DHX35: variants seen among roughly 807,000 people sequenced by gnomAD.
DHX35 encodes the protein DEAH-box helicase 35, also known as probable ATP-dependent RNA helicase DHX35.
DHX35 carries 84 observed loss-of-function variants against 99.6 expected under a neutral mutation model. The observed-to-expected ratio is 0.84, with a 90% CI of 0.71 to 1.01. DHX35 has a LOEUF of 1.01. Ranked by LOEUF, DHX35 falls within the 50% of genes least tolerant of loss-of-function variation. The pLI, the probability that DHX35 is intolerant of heterozygous loss-of-function variation, is 0.00. For missense variants in DHX35, 852 were observed against 888.5 expected (o/e 0.96, Z 0.52); for synonymous variants, 331 against 316.2 (o/e 1.05, Z -0.50).
intron 14 of DHX35, 48 bp from the exon 15 acceptor site, chr20:39,018,756 A>G: frequency 6.3e-7 from 1 of 1,574,916 alleles, no homozygotes; most frequent in South Asian, 1.1e-5. Flanking sequence ...TGTGCCTTCC[A>G]ACACAATGGT....
intron 13 of DHX35, among the ~76,000 whole-genome samples, chr20:39,012,840 CTAAT>C (rs557250984): frequency 0.011 from 1,731 of 152,212 alleles, 20 homozygotes; most frequent in Non-Finnish European, 0.018. Context: ...TGACTTTACA[CTAAT>C]TAAATGATTG....
intron 1 of DHX35, among the ~76,000 whole-genome samples, chr20:38,966,985 A>C (rs1168105082): frequency 6.6e-6 from 1 of 152,206 alleles, no homozygotes; most frequent in Non-Finnish European, 1.5e-5. Flanking sequence ...AAGGAAGGTC[A>C]ACATTTTGGC....
At chr20:39,004,301 G>C (rs946447455) in intron 11 of DHX35, among the ~76,000 whole-genome samples, 29 of 152,172 alleles carry the variant, frequency 1.9e-4, no homozygotes, top group African/African-American at 7.0e-4. Context: ...TCCTGACCTT[G>C]TGATCCGCCC....
intron 3 of DHX35, among the ~76,000 whole-genome samples, chr20:38,975,874 G>A (rs2086067797): frequency 6.6e-6 from 1 of 152,180 alleles, no homozygotes; most frequent in Admixed American, 6.5e-5. Flanking sequence ...CATTTCATTG[G>A]TCAAAGCAAG....
intron 4 of DHX35, among the ~76,000 whole-genome samples, chr20:38,988,609 G>A (rs1213478640): frequency 5.3e-5 from 8 of 152,096 alleles, no homozygotes; most frequent in Non-Finnish European, 1.5e-5. Context: ...CAGCCTGGGT[G>A]ACAGAGTGAG....
chr20:39,019,753 A>G (rs889160997), intron 15 of DHX35, among the ~76,000 whole-genome samples: 1 of 152,154 alleles, frequency 6.6e-6, no homozygotes, highest in Non-Finnish European at 1.5e-5. Flanking sequence ...TCTCTTAGCA[A>G]TTTTGAAATA....
At chr20:39,010,719 A>G (rs1301324901) in intron 13 of DHX35, among the ~76,000 whole-genome samples, 1 of 152,174 alleles carries the variant, frequency 6.6e-6, no homozygotes, top group Non-Finnish European at 1.5e-5. Flanking sequence ...CCTGAAACCC[A>G]AATAGAATCT....
intron 16 of DHX35, among the ~76,000 whole-genome samples, chr20:39,022,299 C>T (rs1273620633): frequency 2.0e-5 from 3 of 152,120 alleles, no homozygotes; most frequent in African/African-American, 4.8e-5. Flanking sequence ...GCTAGGATTA[C>T]AAGCGTGCTC....
chr20:38,997,181 G>A (rs747520864), intron 8 of DHX35, among the ~76,000 whole-genome samples: 5 of 151,734 alleles, frequency 3.3e-5, no homozygotes, highest in Non-Finnish European at 2.9e-5. Flanking sequence ...AGTGATTCTC[G>A]TGCTTCAGCC....
chr20:38,994,323 A>G (rs2086389983), intron 7 of DHX35, among the ~76,000 whole-genome samples: 1 of 152,016 alleles, frequency 6.6e-6, no homozygotes. Flanking sequence ...TCTTAGCTGT[A>G]GCTCATTTGG....
At chr20:38,973,604 A>G (rs574293795) in intron 3 of DHX35, among the ~76,000 whole-genome samples, 48 of 152,342 alleles carry the variant, frequency 3.2e-4, no homozygotes, top group African/African-American at 1.0e-3. Context: ...CTTTTGTCCA[A>G]CGTTATGTGT....
At chr20:39,012,955 A>G (rs772365383) in intron 13 of DHX35, among the ~76,000 whole-genome samples, 3 of 152,262 alleles carry the variant, frequency 2.0e-5, no homozygotes, top group Non-Finnish European at 2.9e-5. Context: ...CTTTCTGACA[A>G]CATTTAATGA....
chr20:38,969,182 G>C lies in DHX35; in HGVS notation c.142G>C (p.Glu48Gln), dbSNP rs772977257. 62 of 1,611,206 alleles carry C rather than the reference G, an allele frequency of 3.8e-5. No homozygotes were observed. In the East Asian group the frequency reaches 1.4e-3, roughly 36 times the overall value. ...CAACCCTTATGCTGCCCTTTCCATA[G>C]AGCAGCAGAGGCAGAAGCTGCCGGT... ...VYNPYAALSI[E>Q]QQRQKLPVFK... The change falls in exon 2 of 22, where the codon GAG (glutamate) becomes CAG (glutamine). Residue 48 changes from glutamate (E) to glutamine (Q), a missense_variant. Physicochemically the swap from Glu to Gln is conservative, Grantham distance 29. Transcript: ENST00000252011.
intron 4 of DHX35, among the ~76,000 whole-genome samples, chr20:38,985,629 A>G (rs1015042226): frequency 7.9e-5 from 12 of 152,132 alleles, no homozygotes; most frequent in African/African-American, 2.2e-4. Context: ...TTTGGAAACC[A>G]AGTTGCAAAT....
At position 39,030,718 on chromosome 20, in the gene DHX35, AC is replaced by A; in HGVS notation, c.1900del (p.His634MetfsTer33). 2 of 1,614,134 alleles carry A rather than the reference AC, an allele frequency of 1.2e-6. No homozygotes were observed. The highest frequency in any genetic ancestry group is 1.7e-6 in the Non-Finnish European group (2 of 1,180,028). The part of the protein sequence containing the change: ...STGAYRTIRD[D>X]HELHIHPASV... ...TATGTTCCAAGGACCATCCGTGATG[AC>A]CATGAGCTGCACATACACCCTGCGT... On this transcript the variant is annotated frameshift_variant, in exon 20 of 22. Transcript: ENST00000252011. LOFTEE classifies it high-confidence loss of function.
intron 3 of DHX35, among the ~76,000 whole-genome samples, chr20:38,975,909 C>T (rs115043733): frequency 7.8e-4 from 118 of 152,218 alleles, no homozygotes; most frequent in Middle Eastern, 3.4e-3. Context: ...CTGATAGCAA[C>T]GGGGTGACAG....
At chr20:39,001,608 T>C in intron 8 of DHX35, 122 bp from the exon 9 acceptor site, 4 of 661,656 alleles carry the variant, frequency 6.0e-6, no homozygotes, top group Non-Finnish European at 1.0e-5. Context: ...TAATCTGTAT[T>C]GCACATATAT....
intron 1 of DHX35, among the ~76,000 whole-genome samples, chr20:38,964,800 A>C (rs887598579): frequency 6.6e-6 from 1 of 152,182 alleles, no homozygotes; most frequent in East Asian, 1.9e-4. Context: ...TGGAGTAGAG[A>C]GTGGATGGAG....
intron 5 of DHX35, among the ~76,000 whole-genome samples, chr20:38,989,265 G>GTTT (rs59991063): frequency 1.1e-4 from 12 of 111,876 alleles, no homozygotes; most frequent in South Asian, 3.1e-4. Flanking sequence ...ACCCGGCTAA[G>GTTT]TTTTTTTTTT....
Sources: gnomAD v4.1 joint callset for allele counts (sites outside exome capture counted in the v4.1 genomes callset) on GRCh38, gnomAD v4.1.1 for gene constraint, MANE v1.5 for transcripts, NCBI Gene and HGNC (gene_info 2026-07-23, HGNC 2026-07-21) for gene names.